PRKD3: variants seen among roughly 807,000 people sequenced by gnomAD.
The protein encoded by PRKD3 is serine/threonine-protein kinase D3.
PRKD3 carries 47 observed loss-of-function variants against 99.2 expected under a neutral mutation model. The ratio of observed to expected loss-of-function variants is 0.47; its 90% confidence interval spans 0.38 to 0.60. PRKD3 has a LOEUF of 0.60. PRKD3 is among the 20% of genes least tolerant of loss of function. The probability of loss-of-function intolerance (pLI) is 0.00; values close to 1 mark genes in which losing one functional copy is unlikely to be tolerated. For missense variants in PRKD3, 1,019 were observed against 1,088.4 expected (o/e 0.94, Z 0.90); for synonymous variants, 392 against 355.4 (o/e 1.10, Z -1.16).
At position 37,294,158 on chromosome 2, in the gene PRKD3, G is replaced by C. The variant is rs75721731; in HGVS notation, c.289-887C>G. On this transcript the variant is annotated intron_variant, in intron 2 of 18. Coordinates refer to ENST00000234179, the MANE Select transcript of PRKD3 (RefSeq NM_005813.6). ...TTGCCTAGGATGAGTACAGTGGTGTGATCACAGTTCAACACTGCAGCCTCA... is the reference window on the plus strand; with the variant it reads ...TTGCCTAGGATGAGTACAGTGGTGTCATCACAGTTCAACACTGCAGCCTCA... Among the ~76,000 whole-genome samples, 462 of 152,222 alleles carry C rather than the reference G, an allele frequency of 3.0e-3. 2 individuals carry two copies. Among genetic ancestry groups the C allele is most frequent in the African/African-American group, 0.01 (435 of 41,548 alleles).
intron 12 of PRKD3, among the ~76,000 whole-genome samples, chr2:37,270,826 C>G (rs189709325): frequency 5.9e-5 from 9 of 152,210 alleles, no homozygotes; most frequent in Admixed American, 1.3e-4. Context: ...ATAATAACTG[C>G]TAGGAAAGTG....
At chr2:37,279,018 T>A (rs957978791) in intron 8 of PRKD3, 5 of 151,822 alleles carry the variant, frequency 3.3e-5, no homozygotes, top group Admixed American at 1.3e-4. Flanking sequence ...ATTTTGTTAA[T>A]AATGTTAATG....
At chr2:37,324,400 C>G (rs1348327070) in intron 1 of PRKD3, 1 of 172,114 alleles carries the variant, frequency 5.8e-6, no homozygotes, top group Non-Finnish European at 1.2e-5. Flanking sequence ...GAACTTGGCC[C>G]CTCTGGCGGC....
chr2:37,256,131 T>C (rs1415529558), intron 17 of PRKD3, among the ~76,000 whole-genome samples: 1 of 152,118 alleles, frequency 6.6e-6, no homozygotes, highest in Non-Finnish European at 1.5e-5. Context: ...GTCCTCGAAT[T>C]TTAATAGGAA....
intron 17 of PRKD3, among the ~76,000 whole-genome samples, chr2:37,254,995 A>C (rs1461476910): frequency 6.6e-6 from 1 of 152,240 alleles, no homozygotes. Context: ...ATAATGGTAC[A>C]TTTGAAATAT....
In PRKD3 at chr2:37,302,314, G is replaced by GT. The variant is rs1670969266; in HGVS notation, c.289-9044dup. Among the ~76,000 whole-genome samples, 3 of 152,154 alleles carry GT rather than the reference G, an allele frequency of 2.0e-5. No homozygotes were observed. In the South Asian group the frequency reaches 6.2e-4, roughly 32 times the overall value. The stretch of plus-strand genomic sequence containing the variant: ...ACCCCTCTTGACTGTGCAAAATGAA[G>GT]TATTTTCCCAGTCCATATGGGAATG... On this transcript the variant is annotated intron_variant, in intron 2 of 18. Coordinates refer to ENST00000234179, the MANE Select transcript of PRKD3 (RefSeq NM_005813.6).
At chr2:37,302,016 G>A (rs1205481592) in intron 2 of PRKD3, among the ~76,000 whole-genome samples, 1 of 152,170 alleles carries the variant, frequency 6.6e-6, no homozygotes, top group African/African-American at 2.4e-5. Context: ...CAATAGTGCT[G>A]AAGCTGAGAA....
At chr2:37,298,865 T>G (rs1213439333) in intron 2 of PRKD3, among the ~76,000 whole-genome samples, 2 of 152,150 alleles carry the variant, frequency 1.3e-5, no homozygotes, top group African/African-American at 2.4e-5. Context: ...TCATATCGTC[T>G]GCAAAAAAGG....
chr2:37,279,990 G>A, intron 7 of PRKD3, 61 bp from the exon 8 acceptor site: 1 of 1,160,752 alleles, frequency 8.6e-7, no homozygotes, highest in Admixed American at 2.6e-5. Flanking sequence ...CATTAAATGT[G>A]AAAAAAGTCT....
Position 37,279,860 on chromosome 2 carries a change from C to T in PRKD3, c.1058G>A (p.Ser353Asn). ...TTCTGTGTCATCCAAACCCCGACTA[C>T]TATCACTATTTATGTCATTATTGTC... Reference protein sequence around the residue: ...DIDNNDINSDSSRGLDDTEEP... With the variant: ...DIDNNDINSDNSRGLDDTEEP... Residue 353 changes from serine to asparagine, a missense_variant, in exon 8 of 19, where the codon AGT (serine) becomes AAT (asparagine). By Grantham distance (46) the Ser-to-Asn change is conservative. Transcript: ENST00000234179. The T allele has an allele frequency of 1.9e-6, 3 of 1,613,104 alleles. No homozygotes were observed. The highest frequency in any genetic ancestry group is 2.5e-6 in the Non-Finnish European group (3 of 1,179,204).
In PRKD3 at chr2:37,275,917, C is replaced by G. The variant is rs1009850055; in HGVS notation, c.1297-73G>C. 6.7e-6 allele frequency: 10 copies of G among 1,498,498 alleles called. No homozygotes were observed. In the African/African-American group the frequency reaches 1.4e-4, roughly 21 times the overall value. 92.8% of individuals were successfully genotyped at this position (1,498,498 alleles called of 1,614,324 possible). On this transcript the variant is annotated intron_variant, in intron 9 of 18. Coordinates refer to ENST00000234179, the MANE Select transcript of PRKD3 (RefSeq NM_005813.6). ...CAAAGTGCTTGTACCTAACTTTTCCCTTCATTTACATTCATAAATTTGTAT... is the reference window on the plus strand; with the variant it reads ...CAAAGTGCTTGTACCTAACTTTTCCGTTCATTTACATTCATAAATTTGTAT...
rs755082149 is a variant in PRKD3 at position 37,316,284 on chromosome 2, A to G, written c.241T>C (p.Ser81Pro). The G allele has an allele frequency of 3.1e-6, 5 of 1,614,240 alleles. No homozygotes were observed. Among genetic ancestry groups the G allele is most frequent in the Non-Finnish European group, 4.2e-6 (5 of 1,180,030 alleles). Reference sequence around the variant, plus strand: ...ACAAGATCCTTGACAGCAGATAAAGACAGTTCCTGGGCTTCAATGGTAACA... The same window carrying G: ...ACAAGATCCTTGACAGCAGATAAAGGCAGTTCCTGGGCTTCAATGGTAACA... ...ESVTIEAQELSLSAVKDLVCS... is the reference protein window; with the variant it reads ...ESVTIEAQELPLSAVKDLVCS... The change falls in exon 2 of 19, where the codon TCT becomes CCT. Residue 81 changes from serine (S) to proline (P), a missense_variant. Around this residue, in one of 3 missense-constraint regions of PRKD3, gnomAD observed 710 missense variants for 692.7 expected, o/e 1.02. Coordinates refer to ENST00000234179, the MANE Select transcript of PRKD3 (RefSeq NM_005813.6).
intron 2 of PRKD3, among the ~76,000 whole-genome samples, chr2:37,304,833 T>C (rs1455014569): frequency 6.6e-6 from 1 of 152,026 alleles, no homozygotes; most frequent in East Asian, 1.9e-4. Context: ...ACCAAAGCAA[T>C]CTTTTTTCAT....
At chr2:37,308,395 T>A (rs974244114) in intron 2 of PRKD3, among the ~76,000 whole-genome samples, 2 of 152,180 alleles carry the variant, frequency 1.3e-5, no homozygotes, top group Non-Finnish European at 2.9e-5. Flanking sequence ...AGTTTCCACA[T>A]TTCACCTTTA....
Position 37,275,811 on chromosome 2 carries a change from A to G in PRKD3, c.1330T>C (p.Cys444Arg), listed in dbSNP as rs752095488. 2 of 1,609,648 alleles carry G rather than the reference A, an allele frequency of 1.2e-6. No individual in the cohort carries two copies. The highest frequency in any genetic ancestry group is 1.7e-6 in the Non-Finnish European group (2 of 1,177,964). The change falls in exon 10 of 19, where the codon TGT becomes CGT. Residue 444 changes from cysteine to arginine, a missense_variant. Coordinates refer to ENST00000234179, the MANE Select transcript of PRKD3 (RefSeq NM_005813.6). Reference protein sequence around the residue: ...KRHYWRLDSKCLTLFQNESGS... With the variant: ...KRHYWRLDSKRLTLFQNESGS... ...GATTCATTCTGAAATAATGTTAGAC[A>G]TTTGCTGTCAAGTCTCCAATAATGC...
Position 37,252,847 on chromosome 2 carries a change from T to TTTTTTTTATA in PRKD3, c.*329_*330insTATAAAAAAA, listed in dbSNP as rs143440093. 1 of 145,014 alleles carries TTTTTTTTATA rather than the reference T, an allele frequency of 6.9e-6. No homozygotes were observed. The highest frequency in any genetic ancestry group is 1.5e-5 in the Non-Finnish European group (1 of 66,512). The allele number at this position is 145,014 out of a possible 1,614,324, so 9.0% of individuals were successfully genotyped here. A position where few individuals can be genotyped will look rare whatever the true frequency, so the allele number is the denominator to read the frequency against. On this transcript the variant is annotated 3_prime_UTR_variant, in exon 19 of 19. Transcript: ENST00000234179. The stretch of plus-strand genomic sequence containing the variant: ...AAAACAAACAAACATATATTTATAT[T>TTTTTTTTATA]TATATATATATATATAAAGAGAAAT...
intron 6 of PRKD3, among the ~76,000 whole-genome samples, chr2:37,284,166 C>A (rs1049322086): frequency 1.3e-5 from 2 of 152,040 alleles, no homozygotes; most frequent in African/African-American, 4.8e-5. Flanking sequence ...TTTATCTTAA[C>A]AAAATCATTT....
At chr2:37,317,270 T>C in intron 1 of PRKD3, 91 bp from the exon 2 acceptor site, 1 of 563,594 alleles carries the variant, frequency 1.8e-6, no homozygotes, top group Non-Finnish European at 2.2e-6. Flanking sequence ...AATGACAATT[T>C]TTGGTCATAT....
intron 16 of PRKD3, among the ~76,000 whole-genome samples, chr2:37,258,784 A>G (rs1483583364): frequency 1.3e-5 from 2 of 152,230 alleles, no homozygotes; most frequent in African/African-American, 4.8e-5. Context: ...TTGAAAAGAC[A>G]ATTTGAGTTA....
Sources: allele counts gnomAD v4.1 joint callset (sites outside exome capture counted in the v4.1 genomes callset), GRCh38; gene constraint gnomAD v4.1.1; regional missense constraint gnomAD v4.1.1; transcripts MANE v1.5; gene names NCBI Gene and HGNC (gene_info 2026-07-23, HGNC 2026-07-21).